GNG7: variants seen among roughly 807,000 people sequenced by gnomAD.
The protein encoded by GNG7 is G protein subunit gamma 7.
Under a neutral mutation model 4.0 loss-of-function variants are expected in GNG7, and 1 was observed. That is an observed-to-expected ratio of 0.25 (90% CI 0.09 to 1.18). The LOEUF is 1.18. GNG7 is among the 50% of genes most tolerant of loss of function. The pLI, the probability that GNG7 is intolerant of heterozygous loss-of-function variation, is 0.50. For synonymous variants in GNG7, 34 were observed against 36.9 expected, an observed-to-expected ratio of 0.92 and a Z score of 0.29; for missense variants, 86 against 91.9, an observed-to-expected ratio of 0.94 and a Z score of 0.26.
intron 2 of GNG7, among the ~76,000 whole-genome samples, chr19:2,612,447 A>T (rs1981597831): frequency 6.6e-6 from 1 of 151,964 alleles, no homozygotes; most frequent in African/African-American, 2.4e-5. Context: ...TGGGCATTTC[A>T]TATCGGGGTG....
chr19:2,672,555 T>C (rs1983481947), intron 1 of GNG7, among the ~76,000 whole-genome samples: 1 of 151,944 alleles, frequency 6.6e-6, no homozygotes, highest in Non-Finnish European at 1.5e-5. Context: ...GAAGCAATTC[T>C]CCTGCCTCAG....
intron 4 of GNG7, chr19:2,517,222 G>A (rs1209986944): frequency 1.3e-5 from 2 of 152,190 alleles, no homozygotes; most frequent in East Asian, 3.9e-4. Context: ...CTGTCCCCCA[G>A]GCTGGAATGC....
rs1979587221 is a variant in GNG7, at chr19:2,557,256, T to G, written c.-77-2068A>C. On this transcript the variant is annotated intron_variant, in intron 2 of 4. Coordinates refer to ENST00000382159, the MANE Select transcript of GNG7 (RefSeq NM_052847.3). The surrounding 1 kb of genome is among the most constrained non-coding windows in gnomAD (Gnocchi z 5.1). The stretch of plus-strand genomic sequence containing the variant: ...ACAGACGCACATGTGCACACACACG[T>G]GCACACACATTTGCACACACAGACA... Among the ~76,000 whole-genome samples, 1 of 148,160 alleles carries G rather than the reference T, an allele frequency of 6.7e-6. No individual in the cohort carries two copies. The highest frequency in any genetic ancestry group is 1.5e-5 in the Non-Finnish European group (1 of 67,318).
At chr19:2,567,123 CAAAAAAAACA>C (rs1568246132) in intron 2 of GNG7, among the ~76,000 whole-genome samples, 132 of 39,816 alleles carry the variant, frequency 3.3e-3, no homozygotes, top group African/African-American at 0.012. Flanking sequence ...AAAAAAAAAA[CAAAAAAAACA>C]AAAAAAAAAC....
chr19:2,689,219 A>AC (rs1913077678), intron 1 of GNG7, among the ~76,000 whole-genome samples: 2 of 151,872 alleles, frequency 1.3e-5, no homozygotes, highest in African/African-American at 2.4e-5. Context: ...GGGGAAAAAA[A>AC]TGCCAATCAT....
chr19:2,622,911 C>T (rs537648631), intron 2 of GNG7, among the ~76,000 whole-genome samples: 3 of 152,328 alleles, frequency 2.0e-5, no homozygotes. Context: ...TCATTTATAC[C>T]ACTAGAGCTC....
At chr19:2,652,485 G>A (rs1982856400) in intron 1 of GNG7, among the ~76,000 whole-genome samples, 1 of 152,130 alleles carries the variant, frequency 6.6e-6, no homozygotes. Flanking sequence ...CGGGCGTGGT[G>A]GTGCATGCCT....
intron 1 of GNG7, among the ~76,000 whole-genome samples, chr19:2,651,221 C>T (rs1040810555): frequency 2.7e-5 from 4 of 147,224 alleles, no homozygotes; most frequent in African/African-American, 5.0e-5. Flanking sequence ...GATCTCTGTC[C>T]GACTTCCTTC....
At chr19:2,646,448 G>A (rs1347705753) in intron 1 of GNG7, among the ~76,000 whole-genome samples, 168 bp from the exon 2 acceptor site, 2 of 152,192 alleles carry the variant, frequency 1.3e-5, no homozygotes, top group Admixed American at 6.5e-5. Flanking sequence ...AGCACTTTGG[G>A]AGGCCAAGGC....
In GNG7 at chr19:2,688,519, C is replaced by T. The variant is rs577608047; in HGVS notation, c.-135+14127G>A. On this transcript the variant is annotated intron_variant, in intron 1 of 4. Transcript: ENST00000382159. ...ACGTGTTCTTTCCCGAAACCCGTAA[C>T]CCCGGTCTGATCACGAGAGAAATAT... is the stretch of plus-strand genomic sequence containing the variant. Among the ~76,000 whole-genome samples the T allele has an allele frequency of 1.1e-4, 17 of 152,298 alleles. No individual in the cohort carries two copies. In the South Asian group the frequency reaches 1.7e-3, roughly 15 times the overall value.
At chr19:2,568,150 CACACAT>C (rs998248895) in intron 2 of GNG7, among the ~76,000 whole-genome samples, 4 of 149,500 alleles carry the variant, frequency 2.7e-5, no homozygotes, top group African/African-American at 5.1e-5. Context: ...TACACATGCA[CACACAT>C]ACACATACAT....
At chr19:2,613,750 G>A (rs1465632706) in intron 2 of GNG7, among the ~76,000 whole-genome samples, 1 of 151,612 alleles carries the variant, frequency 6.6e-6, no homozygotes, top group Non-Finnish European at 1.5e-5. Context: ...TGGAGGCCAG[G>A]ACGCCACTCA....
intron 2 of GNG7, among the ~76,000 whole-genome samples, chr19:2,637,095 C>G (rs750849912): frequency 5.3e-5 from 8 of 152,058 alleles, no homozygotes; most frequent in Non-Finnish European, 8.8e-5. Context: ...TCTCCAGCCC[C>G]CTGCCGGCTC....
chr19:2,696,286 G>GAA (rs1913246533), intron 1 of GNG7, among the ~76,000 whole-genome samples: 1 of 123,372 alleles, frequency 8.1e-6, no homozygotes, highest in Non-Finnish European at 1.7e-5. Flanking sequence ...AAGAAAAAGA[G>GAA]AGAGAGAGAA....
chr19:2,650,620 C>G (rs1005709023), intron 1 of GNG7, among the ~76,000 whole-genome samples: 1 of 152,306 alleles, frequency 6.6e-6, no homozygotes, highest in African/African-American at 2.4e-5. Flanking sequence ...CTGCGGATGC[C>G]CCTTGGTCTG....
chr19:2,593,697 T>C (rs966475748), intron 2 of GNG7, among the ~76,000 whole-genome samples: 2 of 151,288 alleles, frequency 1.3e-5, no homozygotes, highest in Non-Finnish European at 2.9e-5. Context: ...TGAGCCGAGA[T>C]TGTGCCACTG....
At chr19:2,577,723 T>G (rs77256402) in intron 2 of GNG7, among the ~76,000 whole-genome samples, 1 of 138,632 alleles carries the variant, frequency 7.2e-6, no homozygotes, top group Non-Finnish European at 1.6e-5. Flanking sequence ...AAAAAAAAAA[T>G]CAGCGTAATA....
At position 2,609,355 on chromosome 19, in the gene GNG7, A is replaced by G. The variant is rs1981491676; in HGVS notation, c.-78+36869T>C. On this transcript the variant is annotated intron_variant, in intron 2 of 4. Coordinates refer to ENST00000382159, the MANE Select transcript of GNG7 (RefSeq NM_052847.3). This position sits in a 1 kb window ranked among gnomAD's most constrained non-coding sequence, Gnocchi z 4.4. ...TTGTTTTACACTAAAGTGTTATTTC[A>G]TCTTGGTCGCTGAGGTTTTTTAGCG... Among the ~76,000 whole-genome samples the G allele has an allele frequency of 1.3e-5, 2 of 152,024 alleles. No individual in the cohort carries two copies. The highest frequency in any genetic ancestry group is 2.9e-5 in the Non-Finnish European group (2 of 67,996).
At chr19:2,524,628 A>G (rs1378536677) in intron 3 of GNG7, among the ~76,000 whole-genome samples, 3 of 152,164 alleles carry the variant, frequency 2.0e-5, no homozygotes, top group South Asian at 2.1e-4. Flanking sequence ...GCATGTGTCT[A>G]TATGAGTGCA....
Sources: gnomAD v4.1 joint callset for allele counts (sites outside exome capture counted in the v4.1 genomes callset) on GRCh38, gnomAD v4.1.1 for gene constraint, Gnocchi (gnomAD v3.1) non-coding constraint, MANE v1.5 for transcripts, NCBI Gene and HGNC (gene_info 2026-07-23, HGNC 2026-07-21) for gene names.